CERS4: variants seen among roughly 807,000 people sequenced by gnomAD.
CERS4 encodes the protein LAG1 homolog, ceramide synthase 4.
CERS4 carries 65 observed loss-of-function variants against 51.8 expected under a neutral mutation model. The ratio of observed to expected loss-of-function variants is 1.26; its 90% confidence interval spans 1.03 to 1.54. CERS4 has a LOEUF of 1.54. CERS4 is among the 40% of genes most tolerant of loss of function. CERS4 has a pLI of 0.00. For synonymous variants in CERS4, 228 were observed against 208.4 expected (o/e 1.09, Z -0.81); for missense variants, 563 against 500.4 (o/e 1.13, Z -1.19).
intron 2 of CERS4, among the ~76,000 whole-genome samples, chr19:8,248,227 G>C (rs534111751): frequency 6.6e-6 from 1 of 152,284 alleles, no homozygotes; most frequent in South Asian, 2.1e-4. Flanking sequence ...GAATGTGTTG[G>C]CTTTATTCCC....
At position 8,209,373 on chromosome 19, in the gene CERS4, A is replaced by T. The variant is rs1157002022; in HGVS notation, c.-280A>T. 7.1e-6 allele frequency: 1 copy of T among 141,382 alleles called. No individual in the cohort carries two copies. The highest frequency in any genetic ancestry group is 2.7e-5 in the African/African-American group (1 of 37,432). 8.8% of individuals were successfully genotyped at this position (141,382 alleles called of 1,614,324 possible). On this transcript the variant is annotated 5_prime_UTR_variant, in exon 1 of 12. Coordinates refer to ENST00000251363, the MANE Select transcript of CERS4 (RefSeq NM_024552.3). ...TGCTGGGGGCCGAGGCCCGGCCAGG[A>T]GCAGAGTCCGGCTGCCTGGGGCGGG...
chr19:8,230,200 C>CT (rs960266472), intron 2 of CERS4, among the ~76,000 whole-genome samples: 40 of 137,696 alleles, frequency 2.9e-4, no homozygotes, highest in South Asian at 1.6e-3. Flanking sequence ...CTTTTTTTTT[C>CT]TTTTTTTTGA....
At chr19:8,260,411 T>C in intron 10 of CERS4, among the ~76,000 whole-genome samples, 1 of 148,882 alleles carries the variant, frequency 6.7e-6, no homozygotes, top group African/African-American at 2.4e-5. Context: ...TTTCACCATG[T>C]TGGCCAGGCT....
At chr19:8,256,411 T>A in intron 7 of CERS4, 125 bp downstream of exon 7, 1 of 1,183,480 alleles carries the variant, frequency 8.4e-7, no homozygotes, top group Non-Finnish European at 1.2e-6. Flanking sequence ...CCACGCTCTT[T>A]GATTCCTCTG....
chr19:8,234,378 G>A (rs1302795413), intron 2 of CERS4, among the ~76,000 whole-genome samples: 1 of 152,024 alleles, frequency 6.6e-6, no homozygotes, highest in African/African-American at 2.4e-5. Context: ...GCTCACTGCA[G>A]CCTCCAACGC....
intron 2 of CERS4, among the ~76,000 whole-genome samples, chr19:8,215,664 C>T (rs1178365229): frequency 6.6e-6 from 1 of 152,046 alleles, no homozygotes; most frequent in Non-Finnish European, 1.5e-5. Context: ...GGAATTTAGA[C>T]ACTTGGATGC....
chr19:8,215,510 T>C (rs1599505393), intron 2 of CERS4, among the ~76,000 whole-genome samples: 1 of 148,720 alleles, frequency 6.7e-6, no homozygotes, highest in South Asian at 2.1e-4. Context: ...AAGCAGCGGG[T>C]GTGTCTGGGG....
chr19:8,262,008 C>T lies in CERS4; in HGVS notation c.1084C>T (p.Leu362=). 1 of 1,592,718 alleles carries T rather than the reference C, an allele frequency of 6.3e-7. No individual in the cohort carries two copies. Among genetic ancestry groups the T allele is most frequent in the Admixed American group, 1.8e-5 (1 of 55,142 alleles). The part of the protein sequence containing the change: ...EAAAAQEPLQ[L]KNGAAGGPRP... Reference sequence around the variant, plus strand: ...GGCGGCGGCCCAGGAACCTCTGCAGCTAAAGAACGGGGCAGCTGGAGGGCC... The same window carrying T: ...GGCGGCGGCCCAGGAACCTCTGCAGTTAAAGAACGGGGCAGCTGGAGGGCC... The change falls in exon 12 of 12, where the codon CTA becomes TTA. Residue 362 remains leucine (L), a synonymous_variant. Transcript: ENST00000251363.
At chr19:8,251,024 C>T (rs1969049789) in intron 2 of CERS4, 52 bp from the exon 3 acceptor site, 4 of 1,522,142 alleles carry the variant, frequency 2.6e-6, no homozygotes, top group Non-Finnish European at 3.5e-6. Flanking sequence ...CCCCACTTGC[C>T]CCACCCATTC....
intron 2 of CERS4, among the ~76,000 whole-genome samples, chr19:8,244,649 G>A (rs980251944): frequency 6.6e-6 from 1 of 151,992 alleles, no homozygotes; most frequent in Non-Finnish European, 1.5e-5. Context: ...AAAATGCTAC[G>A]CCCTGCATGG....
At chr19:8,260,872 A>C (rs1384614684) in intron 10 of CERS4, 2 of 147,040 alleles carry the variant, frequency 1.4e-5, no homozygotes. Flanking sequence ...AATCGCTGGA[A>C]CCTGGGAAGC....
rs1249636183 is a variant in CERS4, at chr19:8,233,833, C to T, written c.-1-17243C>T. 2.0e-5 allele frequency among the ~76,000 whole-genome samples: 3 copies of T among 151,102 alleles called. No individual in the cohort carries two copies. In the East Asian group the frequency reaches 5.8e-4, roughly 29 times the overall value. On this transcript the variant is annotated intron_variant, in intron 2 of 11. Coordinates refer to ENST00000251363, the MANE Select transcript of CERS4 (RefSeq NM_024552.3). ...TTTGAGACCAACCCGGGTGACATGGCGAAATCCTGTCTCTACAAACAAACA... is the reference window on the plus strand; with the variant it reads ...TTTGAGACCAACCCGGGTGACATGGTGAAATCCTGTCTCTACAAACAAACA...
chr19:8,256,982 G>T lies in CERS4; in HGVS notation c.646G>T (p.Ala216Ser). 6.2e-7 allele frequency: 1 copy of T among 1,614,134 alleles called. No homozygotes were observed. Among genetic ancestry groups the T allele is most frequent in the Admixed American group, 1.7e-5 (1 of 60,010 alleles). ...GGAGCAGGTGATACACCACTTCGTG[G>T]CGGTCATCCTGATGACCTTCTCCTA... ...FKEQVIHHFV[A>S]VILMTFSYSA... Residue 216 changes from alanine (A) to serine (S), a missense_variant, in exon 9 of 12, where the codon GCG (alanine) becomes TCG (serine). Coordinates refer to ENST00000251363, the MANE Select transcript of CERS4 (RefSeq NM_024552.3).
intron 2 of CERS4, among the ~76,000 whole-genome samples, chr19:8,234,948 C>T (rs1968174580): frequency 6.6e-6 from 1 of 151,732 alleles, no homozygotes; most frequent in African/African-American, 2.4e-5. Flanking sequence ...AGGTTTATTT[C>T]ATTCAGCATA....
intron 2 of CERS4, among the ~76,000 whole-genome samples, chr19:8,225,966 C>G (rs986646654): frequency 6.6e-6 from 1 of 151,802 alleles, no homozygotes; most frequent in Admixed American, 6.6e-5. Context: ...GAGGCCAAGG[C>G]GGGCGGATCA....
rs1389336182 is a variant in CERS4, at chr19:8,256,111, G to GA, written c.469-120dup. The GA allele has an allele frequency of 7.1e-6, 8 of 1,133,530 alleles. No homozygotes were observed. In the African/African-American group the frequency reaches 1.1e-4, roughly 15 times the overall value. The allele number at this position is 1,133,530 out of a possible 1,614,324, so 70.2% of individuals were successfully genotyped here. A position where few individuals can be genotyped will look rare whatever the true frequency, so the allele number is the denominator to read the frequency against. ...CCCCCCAGTCGAGAGTGAGAAGCAG[G>GA]AAAAAGCAGGGCTGGGTGAAGGTAG... is the stretch of plus-strand genomic sequence containing the variant. On this transcript the variant is annotated intron_variant, in intron 6 of 11. Coordinates refer to ENST00000251363, the MANE Select transcript of CERS4 (RefSeq NM_024552.3).
chr19:8,223,718 C>T (rs1260220711), intron 2 of CERS4, among the ~76,000 whole-genome samples: 4 of 151,980 alleles, frequency 2.6e-5, no homozygotes, highest in East Asian at 1.9e-4. Context: ...CCTGGGAGGT[C>T]GAAACTGCAG....
chr19:8,254,695 G>C (rs1969280140), intron 4 of CERS4, 79 bp downstream of exon 4: 1 of 1,340,928 alleles, frequency 7.5e-7, no homozygotes, highest in African/African-American at 1.5e-5. Context: ...CCCATTTGTT[G>C]GGGCAGGAGA....
chr19:8,227,254 C>T (rs1023043048), intron 2 of CERS4, among the ~76,000 whole-genome samples: 2 of 152,156 alleles, frequency 1.3e-5, no homozygotes. Flanking sequence ...GAAATCTTTT[C>T]ATTTTCATGT....
Sources: gnomAD v4.1 joint callset for allele counts (sites outside exome capture counted in the v4.1 genomes callset) on GRCh38, gnomAD v4.1.1 for gene constraint, MANE v1.5 for transcripts, NCBI Gene and HGNC (gene_info 2026-07-23, HGNC 2026-07-21) for gene names.